Variants in TCF4 observed in about 807,000 individuals in gnomAD.
The protein encoded by TCF4 is SL3-3 enhancer factor 2.
Under a neutral mutation model 82.1 loss-of-function variants are expected in TCF4, and 3 were observed. That is an observed-to-expected ratio of 0.04 (90% CI 0.02 to 0.09). TCF4 has a LOEUF of 0.09. Among genes scored for constraint, TCF4 ranks in the 10% least tolerant of loss-of-function variants. The probability of loss-of-function intolerance (pLI) is 1.00; values close to 1 mark genes in which losing one functional copy is unlikely to be tolerated. For synonymous variants in TCF4, 276 were observed against 309.6 expected, an observed-to-expected ratio of 0.89 and a Z score of 1.14; for missense variants, 518 against 852.7, an observed-to-expected ratio of 0.61 and a Z score of 4.89.
At chr18:55,471,026 G>A (rs1053990761) in intron 3 of TCF4, among the ~76,000 whole-genome samples, 8 of 152,156 alleles carry the variant, frequency 5.3e-5, no homozygotes, top group Admixed American at 2.6e-4. Flanking sequence ...ACCCTTGGCT[G>A]AGCCCTCACA....
chr18:55,459,470 C>A (rs2095832244), intron 5 of TCF4, among the ~76,000 whole-genome samples: 1 of 152,128 alleles, frequency 6.6e-6, no homozygotes, highest in South Asian at 2.1e-4. Context: ...ATTTTTCTTA[C>A]TGTAGCTCAT....
intron 3 of TCF4, among the ~76,000 whole-genome samples, chr18:55,489,990 AAT>A (rs1170690794): frequency 6.6e-6 from 1 of 152,194 alleles, no homozygotes; most frequent in Non-Finnish European, 1.5e-5. Flanking sequence ...CACGCACCAA[AAT>A]ACATGCGGAT....
chr18:55,581,256 T>G (rs1323146554), intron 3 of TCF4, among the ~76,000 whole-genome samples: 2 of 152,014 alleles, frequency 1.3e-5, no homozygotes, highest in African/African-American at 2.4e-5. Context: ...TGCAGGGCCA[T>G]AGAGAATTAG....
At chr18:55,236,315 T>C (rs1204535675) in intron 15 of TCF4, among the ~76,000 whole-genome samples, 2 of 152,194 alleles carry the variant, frequency 1.3e-5, no homozygotes, top group Non-Finnish European at 1.5e-5. Context: ...ATTTGGCCTC[T>C]GTGGGGTGCT....
At chr18:55,579,156 C>G (rs2097554307) in intron 3 of TCF4, among the ~76,000 whole-genome samples, 1 of 151,148 alleles carries the variant, frequency 6.6e-6, no homozygotes, top group East Asian at 1.9e-4. Flanking sequence ...ATTATTATTT[C>G]TCTTATATCT....
rs1031320698 is a variant in TCF4 at position 55,463,682 on chromosome 18, T to G, written c.207+394A>C. On this transcript the variant is annotated intron_variant, in intron 4 of 19. Transcript: ENST00000354452. ...TCAGTAGTCTATTCACACCAATACC[T>G]TATAGGGATATTAGGAATTTTTTTA... Among the ~76,000 whole-genome samples the G allele has an allele frequency of 2.0e-5, 3 of 152,162 alleles. No individual in the cohort carries two copies. The East Asian group carries it at 5.8e-4, about 29-fold the overall frequency.
chr18:55,255,208 A>G (rs1025248753), intron 14 of TCF4, among the ~76,000 whole-genome samples: 3 of 152,186 alleles, frequency 2.0e-5, no homozygotes, highest in Admixed American at 2.0e-4. Context: ...CAAATGGATG[A>G]TAATTTCTTG....
At chr18:55,539,728 TA>T (rs2097148826) in intron 3 of TCF4, among the ~76,000 whole-genome samples, 1 of 152,120 alleles carries the variant, frequency 6.6e-6, no homozygotes, top group Admixed American at 6.6e-5. Context: ...TTTAAAGTGT[TA>T]ATACAGACAA....
chr18:55,376,016 T>A (rs976644543), intron 6 of TCF4, among the ~76,000 whole-genome samples: 9 of 146,714 alleles, frequency 6.1e-5, no homozygotes, highest in African/African-American at 2.3e-4. Context: ...TATTTTCTTC[T>A]CCTTTTTTTT....
intron 2 of TCF4, among the ~76,000 whole-genome samples, chr18:55,601,651 G>T (rs1469874037): frequency 6.6e-6 from 1 of 152,102 alleles, no homozygotes; most frequent in Non-Finnish European, 1.5e-5. Flanking sequence ...GGGTGCGGTG[G>T]TGGGCACCTG....
At chr18:55,529,667 G>T (rs919658368) in intron 3 of TCF4, among the ~76,000 whole-genome samples, 2 of 152,138 alleles carry the variant, frequency 1.3e-5, no homozygotes, top group Admixed American at 1.3e-4. Context: ...GAATCTGTGA[G>T]TAAAATTATC....
chr18:55,585,699 A>C (rs1238719652), intron 2 of TCF4: 1 of 1,040,968 alleles, frequency 9.6e-7, no homozygotes, highest in African/African-American at 1.6e-5. Flanking sequence ...AGAAGAAAAA[A>C]GTTGTTTTGT....
At chr18:55,613,399 T>C (rs980228127) in intron 2 of TCF4, among the ~76,000 whole-genome samples, 4 of 152,208 alleles carry the variant, frequency 2.6e-5, no homozygotes, top group African/African-American at 9.7e-5. Flanking sequence ...ATTCTTTTGG[T>C]CTGGCTTTTT....
At chr18:55,286,006 A>C (rs944489826) in intron 8 of TCF4, among the ~76,000 whole-genome samples, 13 of 152,232 alleles carry the variant, frequency 8.5e-5, no homozygotes, top group African/African-American at 3.1e-4. Flanking sequence ...AAATACTTGC[A>C]AGTTGTGCCA....
Position 55,222,804 on chromosome 18 carries a change from A to C in TCF4, c.*5231T>G, listed in dbSNP as rs1298041281. 6.5e-6 allele frequency: 1 copy of C among 152,674 alleles called. No homozygotes were observed. The highest frequency in any genetic ancestry group is 1.9e-4 in the East Asian group (1 of 5,206). The allele number at this position is 152,674 out of a possible 1,614,324, so 9.5% of individuals were successfully genotyped here. ...ACAGTACATAACACTGAATAATTTT[A>C]ATCTGTACATTTTTTTCCTTCCATG... On this transcript the variant is annotated 3_prime_UTR_variant, in exon 20 of 20. Transcript: ENST00000354452.
intron 8 of TCF4, among the ~76,000 whole-genome samples, chr18:55,307,164 G>A (rs1463407464): frequency 6.6e-6 from 1 of 152,118 alleles, no homozygotes; most frequent in Non-Finnish European, 1.5e-5. Flanking sequence ...AAATTATAAA[G>A]CAGCAACAAA....
At chr18:55,551,054 C>T (rs772753659) in intron 3 of TCF4, 1 of 152,402 alleles carries the variant, frequency 6.6e-6, no homozygotes, top group Non-Finnish European at 1.5e-5. Context: ...AGCAATTCTC[C>T]TGCCTCAGCC....
At chr18:55,635,100 T>C (rs79985524) in intron 1 of TCF4, among the ~76,000 whole-genome samples, 1 of 152,222 alleles carries the variant, frequency 6.6e-6, no homozygotes, top group African/African-American at 2.4e-5. Context: ...AGAGGAACCA[T>C]GGATTATGAA....
chr18:55,583,107 C>A (rs1474447010), intron 3 of TCF4, among the ~76,000 whole-genome samples: 1 of 152,086 alleles, frequency 6.6e-6, no homozygotes, highest in Non-Finnish European at 1.5e-5. Context: ...CACCATCATA[C>A]TACATGAAAT....
Sources: allele counts gnomAD v4.1 joint callset (sites outside exome capture counted in the v4.1 genomes callset), GRCh38; gene constraint gnomAD v4.1.1; transcripts MANE v1.5; gene names NCBI Gene and HGNC (gene_info 2026-07-23, HGNC 2026-07-21).